Variants in TAF4B observed in about 807,000 individuals in gnomAD.
TAF4B encodes the protein transcription initiation factor TFIID subunit 4B.
A neutral mutation model predicts 86.4 loss-of-function variants in TAF4B; 38 were observed. The ratio of observed to expected loss-of-function variants is 0.44; its 90% CI spans 0.34 to 0.58. TAF4B has a LOEUF of 0.58. Ranked by LOEUF, TAF4B falls within the 20% of genes least tolerant of loss-of-function variation. The pLI, the probability that TAF4B is intolerant of heterozygous loss-of-function variation, is 0.02. For missense variants in TAF4B, 988 were observed against 1,027.6 expected (o/e 0.96, Z 0.53); for synonymous variants, 388 against 391.2 (o/e 0.99, Z 0.10).
chr18:26,313,012 A>G (rs1197997792), intron 9 of TAF4B, among the ~76,000 whole-genome samples: 1 of 152,150 alleles, frequency 6.6e-6, no homozygotes, highest in East Asian at 1.9e-4. Context: ...CTGGTTTTGT[A>G]TTTCTCTCTC....
intron 3 of TAF4B, among the ~76,000 whole-genome samples, chr18:26,268,954 C>T (rs1243310203): frequency 6.6e-6 from 1 of 152,272 alleles, no homozygotes; most frequent in East Asian, 1.9e-4. Flanking sequence ...TCCCAAGTAG[C>T]TGGGATTACA....
intron 9 of TAF4B, among the ~76,000 whole-genome samples, chr18:26,312,379 C>T (rs2056862009): frequency 6.6e-6 from 1 of 152,092 alleles, no homozygotes; most frequent in South Asian, 2.1e-4. Context: ...TTTCCTCTTT[C>T]CTCAGTAGGG....
At chr18:26,319,364 C>T (rs113740615) in intron 10 of TAF4B, among the ~76,000 whole-genome samples, 1 of 150,872 alleles carries the variant, frequency 6.6e-6, no homozygotes, top group Middle Eastern at 3.5e-3. Context: ...GGTGTGGTGG[C>T]GCTTGCCTAT....
intron 13 of TAF4B, among the ~76,000 whole-genome samples, chr18:26,352,436 ATCTT>A (rs897297110): frequency 1.3e-5 from 2 of 151,850 alleles, no homozygotes; most frequent in African/African-American, 4.9e-5. Context: ...GGAAGCACAT[ATCTT>A]TGAGTACTAA....
At chr18:26,278,051 C>A (rs1202987756) in intron 5 of TAF4B, among the ~76,000 whole-genome samples, 6 of 152,120 alleles carry the variant, frequency 3.9e-5, no homozygotes, top group African/African-American at 1.4e-4. Flanking sequence ...TAACAAATAC[C>A]CAAGTCTGAA....
At chr18:26,259,180 T>C (rs1352357850) in intron 1 of TAF4B, among the ~76,000 whole-genome samples, 2 of 152,028 alleles carry the variant, frequency 1.3e-5, no homozygotes, top group Admixed American at 1.3e-4. Context: ...GATTTTTTTT[T>C]TTTTCTGTTC....
At position 26,346,759 on chromosome 18, in the gene TAF4B, G is replaced by GTGTATATATATATA. The variant is rs1202008455; in HGVS notation, c.2317-10930_2317-10929insGTATATATATATAT. On this transcript the variant is annotated intron_variant, in intron 13 of 14. Transcript: ENST00000269142. ...CAAGAATATATATATATATATGTGTGTATATATATATATATGTGTGTGTAT... is the reference window on the plus strand; with the variant it reads ...CAAGAATATATATATATATATGTGTGTGTATATATATATATATATATATATATATGTGTGTGTAT... 5.5e-4 allele frequency among the ~76,000 whole-genome samples: 15 copies of GTGTATATATATATA among 27,142 alleles called. 1 individual carries two copies. In the East Asian group the frequency reaches 0.014, roughly 25 times the overall value. The allele number at this position is 27,142 out of a possible 152,430, so 17.8% of individuals were successfully genotyped here.
At chr18:26,236,119 C>T (rs2055744219) in intron 1 of TAF4B, among the ~76,000 whole-genome samples, 1 of 152,156 alleles carries the variant, frequency 6.6e-6, no homozygotes, top group Non-Finnish European at 1.5e-5. Context: ...AACTAGGGGA[C>T]AACAAATGGG....
At chr18:26,227,903 G>A (rs1443651631) in intron 1 of TAF4B, among the ~76,000 whole-genome samples, 1 of 152,200 alleles carries the variant, frequency 6.6e-6, no homozygotes, top group African/African-American at 2.4e-5. Context: ...CTAGTACCAA[G>A]TACGAATAAT....
intron 1 of TAF4B, among the ~76,000 whole-genome samples, chr18:26,244,496 A>G (rs1229555546): frequency 6.6e-6 from 1 of 152,144 alleles, no homozygotes; most frequent in African/African-American, 2.4e-5. Flanking sequence ...TGGCTAGTAA[A>G]GGCAATTCCC....
At chr18:26,265,614 G>A (rs926823085) in intron 2 of TAF4B, among the ~76,000 whole-genome samples, 1 of 152,034 alleles carries the variant, frequency 6.6e-6, no homozygotes, top group Non-Finnish European at 1.5e-5. Context: ...GTACAATTGC[G>A]TGAACATGGC....
intron 5 of TAF4B, among the ~76,000 whole-genome samples, chr18:26,276,102 C>G (rs780081549): frequency 2.0e-5 from 3 of 151,548 alleles, no homozygotes; most frequent in Non-Finnish European, 2.9e-5. Flanking sequence ...AAATTCGGTT[C>G]TTATATGTCC....
chr18:26,287,094 C>G lies in TAF4B; in HGVS notation c.1590+595C>G, dbSNP rs892609697. ...AAAGGTTTTTTTTGTAAAACATAAC[C>G]ACAACATACCTGTTGTCACACACAG... On this transcript the variant is annotated intron_variant, in intron 7 of 14. Coordinates refer to ENST00000269142, the MANE Select transcript of TAF4B (RefSeq NM_005640.3). Among the ~76,000 whole-genome samples, 4 of 152,132 alleles carry G rather than the reference C, an allele frequency of 2.6e-5. No individual in the cohort carries two copies. The East Asian group carries it at 7.7e-4, about 29-fold the overall frequency.
At chr18:26,324,788 G>T (rs951531986) in intron 11 of TAF4B, among the ~76,000 whole-genome samples, 2 of 152,136 alleles carry the variant, frequency 1.3e-5, no homozygotes, top group African/African-American at 4.8e-5. Flanking sequence ...AATAACAAAA[G>T]ATTATCAGCC....
chr18:26,275,104 G>T, intron 5 of TAF4B, 51 bp downstream of exon 5: 1 of 1,514,030 alleles, frequency 6.6e-7, no homozygotes, highest in Non-Finnish European at 8.8e-7. Flanking sequence ...CATATAACAT[G>T]TTGTAATTGG....
intron 14 of TAF4B, among the ~76,000 whole-genome samples, chr18:26,388,261 G>GGTACATATTGGTACAT (rs1978493034): frequency 6.6e-6 from 1 of 152,174 alleles, no homozygotes; most frequent in South Asian, 2.1e-4. Flanking sequence ...ATAGTATATA[G>GGTACATATTGGTACAT]ACATATTGGT....
At chr18:26,255,660 G>GC (rs1555673218) in intron 1 of TAF4B, 8 of 1,260,060 alleles carry the variant, frequency 6.3e-6, no homozygotes, top group Non-Finnish European at 8.9e-6. Flanking sequence ...AATTTAGATG[G>GC]TTTTTTTTGT....
intron 14 of TAF4B, among the ~76,000 whole-genome samples, 187 bp from the exon 15 acceptor site, chr18:26,389,658 A>T (rs946718496): frequency 6.6e-6 from 1 of 152,232 alleles, no homozygotes; most frequent in Admixed American, 6.5e-5. Flanking sequence ...GAATGAGGTC[A>T]GGTGATAGGT....
Position 26,390,187 on chromosome 18 carries a change from A to G in TAF4B, c.*175A>G. On this transcript the variant is annotated 3_prime_UTR_variant, in exon 15 of 15. Transcript: ENST00000269142. ...TATCCATCTCATGGGACTCTTACAGACTCAGATTCATCTTTGTCTTCTGAA... is the reference window on the plus strand; with the variant it reads ...TATCCATCTCATGGGACTCTTACAGGCTCAGATTCATCTTTGTCTTCTGAA... The G allele has an allele frequency of 1.9e-6, 1 of 515,222 alleles. No homozygotes were observed. Among genetic ancestry groups the G allele is most frequent in the Non-Finnish European group, 3.2e-6 (1 of 312,548 alleles). 31.9% of individuals were successfully genotyped at this position (515,222 alleles called of 1,614,324 possible).
Sources: gnomAD v4.1 joint callset for allele counts (sites outside exome capture counted in the v4.1 genomes callset) on GRCh38, gnomAD v4.1.1 for gene constraint, MANE v1.5 for transcripts, NCBI Gene and HGNC (gene_info 2026-07-23, HGNC 2026-07-21) for gene names.